The following RB1 variants were observed in gnomAD, a reference collection of about 807,000 sequenced individuals.
The protein encoded by RB1 is RB transcriptional corepressor 1.
Under a neutral mutation model 135.4 loss-of-function variants are expected in RB1, and 18 were observed. The ratio of observed to expected loss-of-function variants is 0.13; its 90% confidence interval spans 0.09 to 0.20. The LOEUF (loss-of-function observed/expected upper bound fraction) is 0.20, where lower values mean the gene tolerates loss of function less well. Ranked by LOEUF, RB1 falls within the 10% of genes least tolerant of loss-of-function variation. The pLI is 1.00. For synonymous variants in RB1, 365 were observed against 373.2 expected (o/e 0.98, Z 0.25); for missense variants, 868 against 1,110.0 (o/e 0.78, Z 3.10).
intron 17 of RB1, among the ~76,000 whole-genome samples, chr13:48,447,767 A>T (rs903487795): frequency 2.0e-5 from 3 of 152,158 alleles, no homozygotes; most frequent in African/African-American, 7.2e-5. Flanking sequence ...TGACATACTC[A>T]TCATCATAAA....
At chr13:48,473,037 G>T (rs1428341651) in intron 23 of RB1, among the ~76,000 whole-genome samples, 1 of 152,088 alleles carries the variant, frequency 6.6e-6, no homozygotes, top group African/African-American at 2.4e-5. Flanking sequence ...AAAGAAATTT[G>T]ATAACTTACC....
At chr13:48,461,991 C>A (rs1490951362) in intron 20 of RB1, among the ~76,000 whole-genome samples, 1 of 152,026 alleles carries the variant, frequency 6.6e-6, no homozygotes, top group Non-Finnish European at 1.5e-5. Flanking sequence ...TGCCACCACA[C>A]CTGGCTAATT....
intron 2 of RB1, among the ~76,000 whole-genome samples, chr13:48,311,830 C>T (rs188051697): frequency 2.6e-4 from 39 of 152,292 alleles, no homozygotes; most frequent in African/African-American, 7.7e-4. Flanking sequence ...CTCAGCCTCC[C>T]GAGTAGCTGG....
chr13:48,476,669 T>A (rs1192031982), intron 24 of RB1, 32 bp from the exon 25 acceptor site: 2 of 1,603,032 alleles, frequency 1.2e-6, no homozygotes, highest in African/African-American at 2.7e-5. Flanking sequence ...TGGCATTTAA[T>A]GATTTAAAGT....
chr13:48,450,888 C>T (rs1439981040), intron 17 of RB1, among the ~76,000 whole-genome samples: 3 of 151,994 alleles, frequency 2.0e-5, no homozygotes, highest in Non-Finnish European at 4.4e-5. Flanking sequence ...TGAAGAGGCC[C>T]GTCACTTCCC....
chr13:48,480,178 C>A lies in RB1; in HGVS notation c.*107C>A. On this transcript the variant is annotated 3_prime_UTR_variant, in exon 27 of 27. Transcript: ENST00000267163. ...TTCTGTTTATGGCCACATTTAATAT[C>A]TTCAGCTCTTTTTGTGGATATAAAA... 1 of 904,258 alleles carries A rather than the reference C, an allele frequency of 1.1e-6. No homozygotes were observed. The highest frequency in any genetic ancestry group is 1.8e-6 in the Non-Finnish European group (1 of 554,806). The allele number at this position is 904,258 out of a possible 1,614,324, so 56.0% of individuals were successfully genotyped here. A position where few individuals can be genotyped will look rare whatever the true frequency, so the allele number is the denominator to read the frequency against.
chr13:48,377,811 G>C (rs1317857202), intron 13 of RB1, among the ~76,000 whole-genome samples: 2 of 152,108 alleles, frequency 1.3e-5, no homozygotes, highest in African/African-American at 4.8e-5. Context: ...AACCTAGATG[G>C]TATAGCCGAT....
intron 17 of RB1, among the ~76,000 whole-genome samples, chr13:48,385,436 G>A (rs1948564626): frequency 6.6e-6 from 1 of 152,184 alleles, no homozygotes; most frequent in Non-Finnish European, 1.5e-5. Flanking sequence ...GAAGAGGGGA[G>A]CTGGGAGCCT....
chr13:48,304,140 C>T (rs1952056511), intron 1 of RB1, 91 bp downstream of exon 1: 1 of 1,278,600 alleles, frequency 7.8e-7, no homozygotes, highest in South Asian at 2.3e-5. Context: ...GGGGATCCGT[C>T]CTCGCCAGGG....
At chr13:48,325,075 C>A (rs1374685301) in intron 2 of RB1, among the ~76,000 whole-genome samples, 1 of 151,482 alleles carries the variant, frequency 6.6e-6, no homozygotes, top group Non-Finnish European at 1.5e-5. Flanking sequence ...TATTTCATTG[C>A]CCAGGAATGA....
intron 17 of RB1, among the ~76,000 whole-genome samples, chr13:48,385,304 G>A (rs573800674): frequency 6.6e-6 from 1 of 152,162 alleles, no homozygotes; most frequent in Non-Finnish European, 1.5e-5. Context: ...ATCTGGTAAT[G>A]TTGGAAGAAG....
chr13:48,365,228 G>A (rs1323517243), intron 9 of RB1, among the ~76,000 whole-genome samples: 2 of 152,070 alleles, frequency 1.3e-5, no homozygotes, highest in African/African-American at 4.8e-5. Flanking sequence ...CAAAATCAAA[G>A]TATAGACTTT....
intron 17 of RB1, among the ~76,000 whole-genome samples, chr13:48,417,606 C>G (rs990927430): frequency 6.6e-6 from 1 of 152,064 alleles, no homozygotes; most frequent in African/African-American, 2.4e-5. Flanking sequence ...GGACCATGTT[C>G]TAACCCAATG....
chr13:48,317,974 C>G, intron 2 of RB1: 1 of 457,812 alleles, frequency 2.2e-6, no homozygotes, highest in Non-Finnish European at 4.2e-6. Flanking sequence ...TACTAATCTA[C>G]AGTTCGATGC....
At chr13:48,396,279 G>T (rs1948647485) in intron 17 of RB1, among the ~76,000 whole-genome samples, 1 of 152,042 alleles carries the variant, frequency 6.6e-6, no homozygotes, top group East Asian at 1.9e-4. Context: ...AAACAGCATG[G>T]TACTGGTACC....
Position 48,476,692 on chromosome 13 carries a change from A to G in RB1, c.2521-9A>G. On this transcript the variant is annotated splice_polypyrimidine_tract_variant and intron_variant, in intron 24 of 26. Coordinates refer to ENST00000267163, the MANE Select transcript of RB1 (RefSeq NM_000321.3). ...AATGATTTAAAGTAAAGAATTCTGT[A>G]ATTTGTAGACTTCTGAGAAGTTCCA... 6.2e-7 allele frequency: 1 copy of G among 1,610,978 alleles called. No individual in the cohort carries two copies. The highest frequency in any genetic ancestry group is 1.1e-5 in the South Asian group (1 of 91,000).
At chr13:48,410,209 G>T (rs770343635) in intron 17 of RB1, among the ~76,000 whole-genome samples, 1 of 152,118 alleles carries the variant, frequency 6.6e-6, no homozygotes, top group South Asian at 2.1e-4. Flanking sequence ...GTCAATGACC[G>T]CATAAACGAT....
At chr13:48,397,962 A>G (rs1948661518) in intron 17 of RB1, among the ~76,000 whole-genome samples, 1 of 152,194 alleles carries the variant, frequency 6.6e-6, no homozygotes, top group South Asian at 2.1e-4. Flanking sequence ...ACCATTGGAC[A>G]TTATTTGTTT....
intron 17 of RB1, among the ~76,000 whole-genome samples, chr13:48,408,272 T>A (rs1452960083): frequency 6.6e-6 from 1 of 151,932 alleles, no homozygotes; most frequent in Non-Finnish European, 1.5e-5. Flanking sequence ...ATATATATAA[T>A]ACATATATTT....
Sources: allele counts gnomAD v4.1 joint callset (sites outside exome capture counted in the v4.1 genomes callset), GRCh38; gene constraint gnomAD v4.1.1; transcripts MANE v1.5; gene names NCBI Gene and HGNC (gene_info 2026-07-23, HGNC 2026-07-21).